THEM6: variants seen among roughly 807,000 people sequenced by gnomAD.
THEM6 encodes the protein thioesterase superfamily member 6.
In THEM6, 10 loss-of-function variants were observed where a neutral mutation model predicts 13.7. The ratio of observed to expected loss-of-function variants is 0.73; its 90% CI spans 0.45 to 1.24. The LOEUF is 1.24. Ranked by LOEUF, THEM6 falls within the 50% of genes most tolerant of loss-of-function variation. The pLI is 0.00. For synonymous variants in THEM6, 161 were observed against 156.0 expected (o/e 1.03, Z -0.24); for missense variants, 317 against 312.6 (o/e 1.01, Z -0.11).
chr8:142,732,454 A>T (rs1815670662), intron 1 of THEM6, among the ~76,000 whole-genome samples: 1 of 151,592 alleles, frequency 6.6e-6, no homozygotes, highest in African/African-American at 2.4e-5. Flanking sequence ...GCCCTAAGCC[A>T]TATGAGGTCA....
Position 142,727,680 on chromosome 8 carries a change from C to T in THEM6, c.334C>T (p.Arg112Cys). ...GTGCGCGCGCCACCGCCGCTCGCTG[C>T]GCCTGCTGGAGCCCTTCGAGGTGCG... ...ASCARHRRSLRLLEPFEVRTR... is the reference protein window; with the variant it reads ...ASCARHRRSLCLLEPFEVRTR... Residue 112 changes from arginine to cysteine, a missense_variant, in exon 1 of 2, where the codon CGC becomes TGC. By Grantham distance (180) the Arg-to-Cys change is radical (BLOSUM62 -3). Coordinates refer to ENST00000336138, the MANE Select transcript of THEM6 (RefSeq NM_016647.3). 1.4e-6 allele frequency: 2 copies of T among 1,431,690 alleles called. No individual in the cohort carries two copies. The highest frequency in any genetic ancestry group is 2.9e-5 in the South Asian group (2 of 68,432). The allele number at this position is 1,431,690 out of a possible 1,614,324, so 88.7% of individuals were successfully genotyped here. A position where few individuals can be genotyped will look rare whatever the true frequency, so the allele number is the denominator to read the frequency against.
chr8:142,727,305 G>T lies in THEM6; in HGVS notation c.-42G>T, dbSNP rs1554642380. ...ACCAGCGCCGCGGACACCGGCACCG[G>T]CGCCACGGACTCCGCAGGACCCCGC... On this transcript the variant is annotated 5_prime_UTR_variant, in exon 1 of 2. Transcript: ENST00000336138. 2 of 1,439,302 alleles carry T rather than the reference G, an allele frequency of 1.4e-6. No homozygotes were observed. The highest frequency in any genetic ancestry group is 2.8e-5 in the South Asian group (2 of 71,078). 89.2% of individuals were successfully genotyped at this position (1,439,302 alleles called of 1,614,324 possible). A position where few individuals can be genotyped will look rare whatever the true frequency, so the allele number is the denominator to read the frequency against.
rs183343106 is a variant in THEM6 at position 142,729,852 on chromosome 8, T to C, written c.513+1993T>C. Among the ~76,000 whole-genome samples the C allele has an allele frequency of 2.5e-3, 375 of 152,356 alleles. 1 individual carries two copies. Among genetic ancestry groups the C allele is most frequent in the Middle Eastern group, 0.01 (3 of 294 alleles). On this transcript the variant is annotated intron_variant, in intron 1 of 1. Coordinates refer to ENST00000336138, the MANE Select transcript of THEM6 (RefSeq NM_016647.3). ...TTGCTCCTGAGCAGTTGAATGTGTA[T>C]AGTCCCGTTTACTACAAAGTTGGCA... is the stretch of plus-strand genomic sequence containing the variant.
At chr8:142,728,170 G>T (rs1202667386) in intron 1 of THEM6, among the ~76,000 whole-genome samples, 1 of 152,106 alleles carries the variant, frequency 6.6e-6, no homozygotes, top group Non-Finnish European at 1.5e-5. Flanking sequence ...CTCTCTCCTG[G>T]TACTCTGTTC....
chr8:142,728,744 A>G (rs1226975461), intron 1 of THEM6, among the ~76,000 whole-genome samples: 1 of 152,182 alleles, frequency 6.6e-6, no homozygotes, highest in African/African-American at 2.4e-5. Flanking sequence ...AGTGAAAGCA[A>G]GTTTATTAAG....
Position 142,727,289 on chromosome 8 carries a change from GCGGACACCGGCACCGGCGCCA to G in THEM6, c.-52_-32del, listed in dbSNP as rs1815507718. ...CCTGGCGGGCACCGTAACCAGCGCC[GCGGACACCGGCACCGGCGCCA>G]CGGACTCCGCAGGACCCCGCGCCCG... is the stretch of plus-strand genomic sequence containing the variant. On this transcript the variant is annotated 5_prime_UTR_variant, in exon 1 of 2. Coordinates refer to ENST00000336138, the MANE Select transcript of THEM6 (RefSeq NM_016647.3). 7.1e-7 allele frequency: 1 copy of G among 1,405,592 alleles called. No individual in the cohort carries two copies. Among genetic ancestry groups the G allele is most frequent in the Admixed American group, 3.3e-5 (1 of 30,362 alleles). The allele number at this position is 1,405,592 out of a possible 1,614,324, so 87.1% of individuals were successfully genotyped here.
At chr8:142,732,381 C>G (rs587645894) in intron 1 of THEM6, among the ~76,000 whole-genome samples, 37 of 151,020 alleles carry the variant, frequency 2.5e-4, no homozygotes, top group African/African-American at 8.0e-4. Flanking sequence ...TGGTCGCCCC[C>G]CCAAGGGAGA....
At position 142,727,820 on chromosome 8, in the gene THEM6, C is replaced by T. The variant is rs1017080756; in HGVS notation, c.474C>T (p.Thr158=). ...GCTTCCGGCAGCACCTGCTGGGCAC[C>T]TCACCCGAGCGCGTCGTGCAGCACC... ...LLRFRQHLLG[T]SPERVVQHLC... Residue 158 remains threonine (T), a synonymous_variant, in exon 1 of 2, where the codon ACC becomes ACT. Coordinates refer to ENST00000336138, the MANE Select transcript of THEM6 (RefSeq NM_016647.3). 2 of 1,462,036 alleles carry T rather than the reference C, an allele frequency of 1.4e-6. No individual in the cohort carries two copies. The highest frequency in any genetic ancestry group is 1.8e-6 in the Non-Finnish European group (2 of 1,115,674). The allele number at this position is 1,462,036 out of a possible 1,614,324, so 90.6% of individuals were successfully genotyped here. A position where few individuals can be genotyped will look rare whatever the true frequency, so the allele number is the denominator to read the frequency against.
At chr8:142,730,561 C>G (rs1587581996) in intron 1 of THEM6, among the ~76,000 whole-genome samples, 1 of 152,306 alleles carries the variant, frequency 6.6e-6, no homozygotes, top group East Asian at 1.9e-4. Flanking sequence ...TTCTTGGGGC[C>G]TTCACTGCCC....
chr8:142,735,244 C>T (rs937040219), intron 1 of THEM6, 82 bp from the exon 2 acceptor site: 10 of 1,049,218 alleles, frequency 9.5e-6, no homozygotes, highest in South Asian at 2.8e-5. Flanking sequence ...TGGAAGGTCA[C>T]GGGCTGGGGA....
intron 1 of THEM6, 37 bp from the exon 2 acceptor site, chr8:142,735,289 G>A (rs747944217): frequency 6.1e-5 from 91 of 1,482,042 alleles, no homozygotes; most frequent in East Asian, 7.4e-5. Context: ...TGGGAAGGCC[G>A]TAGCTTAGCT....
In THEM6 at chr8:142,727,397, G is replaced by A. The variant is rs376971968; in HGVS notation, c.51G>A (p.Ala17=). The A allele has an allele frequency of 2.0e-6, 3 of 1,529,858 alleles. No homozygotes were observed. Among genetic ancestry groups the A allele is most frequent in the East Asian group, 2.5e-5 (1 of 39,608 alleles). 94.8% of individuals were successfully genotyped at this position (1,529,858 alleles called of 1,614,324 possible). A position where few individuals can be genotyped will look rare whatever the true frequency, so the allele number is the denominator to read the frequency against. ...TGGCCCTGGGGCTCGCTGTCTTTGC[G>A]CTGCTGGACGTCTGGTACCTGGTGC... The part of the protein sequence containing the change: ...ALLALGLAVF[A]LLDVWYLVRL... Residue 17 remains alanine, a synonymous_variant, in exon 1 of 2, where the codon GCG becomes GCA. Coordinates refer to ENST00000336138, the MANE Select transcript of THEM6 (RefSeq NM_016647.3).
intron 1 of THEM6, 38 bp downstream of exon 1, chr8:142,727,897 T>C (rs1554642585): frequency 4.4e-6 from 6 of 1,377,740 alleles, no homozygotes; most frequent in Non-Finnish European, 5.6e-6. Context: ...AGCACGGCCT[T>C]TGTGGGACCT....
chr8:142,735,556 C>T lies in THEM6; in HGVS notation c.*117C>T, dbSNP rs1815740760. The T allele has an allele frequency of 4.1e-6, 3 of 725,782 alleles. No homozygotes were observed. The highest frequency in any genetic ancestry group is 7.1e-6 in the Non-Finnish European group (3 of 421,978). 45.0% of individuals were successfully genotyped at this position (725,782 alleles called of 1,614,324 possible). On this transcript the variant is annotated 3_prime_UTR_variant, in exon 2 of 2. Coordinates refer to ENST00000336138, the MANE Select transcript of THEM6 (RefSeq NM_016647.3). ...GAGTAGCCTCCTGACCAGCCTGGCC[C>T]ACCCTGCTCCACCCACTGGGCCCCC...
chr8:142,730,006 T>C (rs774958014), intron 1 of THEM6, among the ~76,000 whole-genome samples: 8 of 152,208 alleles, frequency 5.3e-5, no homozygotes, highest in Non-Finnish European at 1.0e-4. Context: ...TGTTGATCTT[T>C]TACATTTCCG....
At chr8:142,731,372 GTAT>G (rs1554642922) in intron 1 of THEM6, among the ~76,000 whole-genome samples, 1 of 151,728 alleles carries the variant, frequency 6.6e-6, no homozygotes, top group Non-Finnish European at 1.5e-5. Context: ...GTTATTAAAA[GTAT>G]TATTTTATTT....
At chr8:142,732,978 A>T (rs1815686117) in intron 1 of THEM6, among the ~76,000 whole-genome samples, 1 of 152,240 alleles carries the variant, frequency 6.6e-6, no homozygotes, top group Admixed American at 6.5e-5. Context: ...TACTTCCTGC[A>T]GAAAGGACAC....
At chr8:142,729,037 T>G (rs1472067551) in intron 1 of THEM6, among the ~76,000 whole-genome samples, 1 of 151,448 alleles carries the variant, frequency 6.6e-6, no homozygotes, top group Non-Finnish European at 1.5e-5. Flanking sequence ...CCTTCCGGGT[T>G]CACGCCATTC....
At chr8:142,728,344 A>G (rs1207852676) in intron 1 of THEM6, among the ~76,000 whole-genome samples, 3 of 152,214 alleles carry the variant, frequency 2.0e-5, no homozygotes, top group Non-Finnish European at 4.4e-5. Context: ...GGGTTGAGGT[A>G]TTGAGCCGAG....
Sources: gnomAD v4.1 joint callset for allele counts (sites outside exome capture counted in the v4.1 genomes callset) on GRCh38, gnomAD v4.1.1 for gene constraint, MANE v1.5 for transcripts, NCBI Gene and HGNC (gene_info 2026-07-23, HGNC 2026-07-21) for gene names.